LIMA1: variants seen among roughly 807,000 people sequenced by gnomAD.
The protein encoded by LIMA1 is LIM domain and actin-binding protein 1.
LIMA1 carries 52 observed loss-of-function variants against 62.6 expected under a neutral mutation model. The observed-to-expected ratio is 0.83, with a 90% CI of 0.67 to 1.05. LIMA1 has a LOEUF of 1.05. Ranked by LOEUF, LIMA1 falls within the 50% of genes least tolerant of loss-of-function variation. The pLI is 0.00. For missense variants in LIMA1, 780 were observed against 902.2 expected, an observed-to-expected ratio of 0.86 and a Z score of 1.74; for synonymous variants, 302 against 317.8, an observed-to-expected ratio of 0.95 and a Z score of 0.53.
rs112542099 is a variant in LIMA1, at chr12:50,229,298, G to A, written c.165+2367C>T. 2.8e-3 allele frequency among the ~76,000 whole-genome samples: 428 copies of A among 152,136 alleles called. 3 individuals carry two copies. The highest frequency in any genetic ancestry group is 9.5e-3 in the African/African-American group (396 of 41,482). ...TGGCCTCAAGCAATCCTCCCACCTC[G>A]GCCTCCTGCGATCCTCCCGCCTTGG... is the stretch of plus-strand genomic sequence containing the variant. On this transcript the variant is annotated intron_variant, in intron 3 of 10. Transcript: ENST00000341247.
intron 7 of LIMA1, among the ~76,000 whole-genome samples, chr12:50,198,892 T>G (rs1940986145): frequency 6.6e-6 from 1 of 152,218 alleles, no homozygotes; most frequent in African/African-American, 2.4e-5. Context: ...AAATATGATT[T>G]GCTTAAAATC....
intron 3 of LIMA1, among the ~76,000 whole-genome samples, chr12:50,226,764 G>A (rs1013195478): frequency 6.6e-6 from 1 of 151,740 alleles, no homozygotes; most frequent in Non-Finnish European, 1.5e-5. Context: ...GCTTGAACCC[G>A]GGAGGCGGAG....
At chr12:50,275,235 C>T (rs1363967785) in intron 1 of LIMA1, among the ~76,000 whole-genome samples, 4 of 151,560 alleles carry the variant, frequency 2.6e-5, no homozygotes, top group African/African-American at 4.8e-5. Flanking sequence ...GGCGTGGTGG[C>T]GCGTGCCTGT....
At chr12:50,200,469 G>A (rs1941024852) in intron 7 of LIMA1, among the ~76,000 whole-genome samples, 1 of 152,214 alleles carries the variant, frequency 6.6e-6, no homozygotes, top group Admixed American at 6.5e-5. Flanking sequence ...CCAAAGTGCT[G>A]GGATTACAGG....
chr12:50,225,186 G>GCCACTGC (rs1420373834), intron 3 of LIMA1, among the ~76,000 whole-genome samples: 1 of 152,092 alleles, frequency 6.6e-6, no homozygotes, highest in Non-Finnish European at 1.5e-5. Context: ...ATAGGCATGA[G>GCCACTGC]CCACTGCGCC....
chr12:50,254,027 C>CAAAAAA (rs376086760), intron 1 of LIMA1, among the ~76,000 whole-genome samples: 8 of 93,730 alleles, frequency 8.5e-5, no homozygotes, highest in East Asian at 2.9e-4. Flanking sequence ...GACTCTGTCT[C>CAAAAAA]AAAAAAAAAA....
In LIMA1 at chr12:50,204,604, A is replaced by G; in HGVS notation, c.812T>C (p.Met271Thr). 6.2e-7 allele frequency: 1 copy of G among 1,614,222 alleles called. No homozygotes were observed. The highest frequency in any genetic ancestry group is 8.5e-7 in the Non-Finnish European group (1 of 1,180,038). Residue 271 changes from methionine to threonine, a missense_variant, in exon 6 of 11, where the codon ATG (methionine) becomes ACG (threonine). Physicochemically the swap from Met to Thr is moderately conservative, Grantham distance 81 (BLOSUM62 -1). Transcript: ENST00000341247. ...GGACACAGCTGCCTGGTACTTGGCC[A>G]TTCGATCCTTTATAGAGGTTTCTGA... Reference protein sequence around the residue: ...RLSETSIKDRMAKYQAAVSKQ... With the variant: ...RLSETSIKDRTAKYQAAVSKQ...
At chr12:50,230,412 C>G (rs908634036) in intron 3 of LIMA1, among the ~76,000 whole-genome samples, 1 of 152,004 alleles carries the variant, frequency 6.6e-6, no homozygotes, top group African/African-American at 2.4e-5. Flanking sequence ...GTAGTCTGTG[C>G]TTGGCATGTA....
intron 4 of LIMA1, among the ~76,000 whole-genome samples, chr12:50,212,997 T>G (rs1201437543): frequency 2.0e-5 from 3 of 152,118 alleles, no homozygotes; most frequent in African/African-American, 7.2e-5. Context: ...GTATTTTTAA[T>G]AGAGATGGGG....
chr12:50,211,702 T>C (rs1353401421), intron 4 of LIMA1, among the ~76,000 whole-genome samples: 3 of 152,012 alleles, frequency 2.0e-5, no homozygotes, highest in Non-Finnish European at 4.4e-5. Context: ...TAAGATGAGT[T>C]TTATGATCCA....
intron 1 of LIMA1, among the ~76,000 whole-genome samples, chr12:50,270,701 A>G (rs182066620): frequency 1.3e-3 from 197 of 152,068 alleles, no homozygotes; most frequent in Non-Finnish European, 1.6e-3. Flanking sequence ...ATTTGTGTGA[A>G]TATCTTATCT....
chr12:50,202,275 G>T (rs531511449), intron 6 of LIMA1, among the ~76,000 whole-genome samples: 13 of 152,122 alleles, frequency 8.5e-5, no homozygotes, highest in Non-Finnish European at 1.6e-4. Flanking sequence ...TAAGGGGCCT[G>T]GGAAATTCTT....
At chr12:50,187,650 T>A (rs1433920274) in intron 9 of LIMA1, 5 of 152,186 alleles carry the variant, frequency 3.3e-5, no homozygotes, top group Non-Finnish European at 5.9e-5. Context: ...CAAGCCAGCA[T>A]AAAACCTCCC....
intron 4 of LIMA1, among the ~76,000 whole-genome samples, chr12:50,212,365 GA>G (rs1185923056): frequency 6.6e-6 from 1 of 152,132 alleles, no homozygotes; most frequent in Non-Finnish European, 1.5e-5. Flanking sequence ...GGCTTTTAGG[GA>G]AAAATGGAGC....
intron 1 of LIMA1, among the ~76,000 whole-genome samples, chr12:50,253,522 A>G (rs1037973809): frequency 6.6e-6 from 1 of 152,214 alleles, no homozygotes; most frequent in South Asian, 2.1e-4. Context: ...CTTTTAGCCA[A>G]TGTAGAAAAC....
At chr12:50,260,719 CAT>C (rs1942055540) in intron 1 of LIMA1, among the ~76,000 whole-genome samples, 1 of 151,994 alleles carries the variant, frequency 6.6e-6, no homozygotes, top group South Asian at 2.1e-4. Context: ...ACTGTGGTGA[CAT>C]GTGCAAGTTT....
At chr12:50,257,041 C>G (rs1942005729) in intron 1 of LIMA1, among the ~76,000 whole-genome samples, 1 of 152,116 alleles carries the variant, frequency 6.6e-6, no homozygotes, top group South Asian at 2.1e-4. Context: ...CTTTGTAATT[C>G]ATAAATATTA....
chr12:50,192,978 CTGTGTGTGTGTGTG>C (rs558118348), intron 8 of LIMA1, among the ~76,000 whole-genome samples: 2 of 145,104 alleles, frequency 1.4e-5, no homozygotes, highest in Non-Finnish European at 3.1e-5. Context: ...ATTTTGTACT[CTGTGTGTGTGTGTG>C]TGTGTGTGTG....
chr12:50,280,311 C>T (rs1281780855), intron 1 of LIMA1, among the ~76,000 whole-genome samples: 2 of 151,858 alleles, frequency 1.3e-5, no homozygotes, highest in African/African-American at 4.8e-5. Context: ...CCTGCCACCA[C>T]GCCCGGCTAA....
Sources: allele counts gnomAD v4.1 joint callset (sites outside exome capture counted in the v4.1 genomes callset), GRCh38; gene constraint gnomAD v4.1.1; transcripts MANE v1.5; gene names NCBI Gene and HGNC (gene_info 2026-07-23, HGNC 2026-07-21).